The following KREMEN1 variants were observed in gnomAD, a reference collection of about 807,000 sequenced individuals.
The protein encoded by KREMEN1 is kringle containing transmembrane protein 1.
Under a neutral mutation model 46.5 loss-of-function variants are expected in KREMEN1, and 30 were observed. That is an observed-to-expected ratio of 0.65 (90% CI 0.48 to 0.88). KREMEN1 has a LOEUF of 0.88. KREMEN1 is among the 40% of genes least tolerant of loss of function. The pLI is 0.00. For missense variants in KREMEN1, 533 were observed against 596.9 expected (o/e 0.89, Z 1.11); for synonymous variants, 214 against 230.6 (o/e 0.93, Z 0.65).
intron 1 of KREMEN1, among the ~76,000 whole-genome samples, chr22:29,086,521 G>T (rs73390857): frequency 1.3e-3 from 200 of 152,312 alleles, no homozygotes; most frequent in African/African-American, 4.6e-3. Flanking sequence ...GTGGTGTTGG[G>T]TTGGAAAAGG....
intron 9 of KREMEN1, among the ~76,000 whole-genome samples, chr22:29,163,541 T>C (rs768322725): frequency 6.6e-5 from 10 of 152,036 alleles, no homozygotes; most frequent in Non-Finnish European, 1.5e-4. Flanking sequence ...CACGCCCAGC[T>C]AATTTTTGTA....
chr22:29,094,390 AG>A lies in KREMEN1; in HGVS notation c.236del (p.Gly79AlafsTer15), dbSNP rs775709729. The A allele has an allele frequency of 1.5e-5, 24 of 1,613,676 alleles. No homozygotes were observed. In the East Asian group the frequency reaches 4.9e-4, roughly 33 times the overall value. On this transcript the variant is annotated frameshift_variant, in exon 2 of 9. Coordinates refer to ENST00000400335, the MANE Select transcript of KREMEN1 (RefSeq NM_001039570.3). LOFTEE classifies it high-confidence loss of function. ...AACACTCTGAAATACCCCAACGGGG[AG>A]GGGGGCCTGGGTGAGCACAACTATT... ...PYNTLKYPNGEGGLGEHNYCR... is the reference protein window; with the variant it reads ...PYNTLKYPNGXGGLGEHNYCR...
chr22:29,140,591 A>C (rs2038746512), intron 8 of KREMEN1, among the ~76,000 whole-genome samples: 1 of 152,258 alleles, frequency 6.6e-6, no homozygotes, highest in Non-Finnish European at 1.5e-5. Flanking sequence ...CTCTGTGTCC[A>C]AGGCATACAA....
intron 6 of KREMEN1, 45 bp downstream of exon 6, chr22:29,137,719 C>T (rs751828222): frequency 6.9e-7 from 1 of 1,451,426 alleles, no homozygotes; most frequent in Non-Finnish European, 9.4e-7. Flanking sequence ...GGCCCACGTG[C>T]CTTGGGCTTC....
rs866150078 is a variant in KREMEN1 at position 29,094,352 on chromosome 22, C to T, written c.192C>T (p.Phe64=). 1.2e-6 allele frequency: 2 copies of T among 1,613,994 alleles called. No homozygotes were observed. The highest frequency in any genetic ancestry group is 3.3e-4 in the Middle Eastern group (2 of 6,054). Residue 64 remains phenylalanine, a synonymous_variant, in exon 2 of 9, where the codon TTC becomes TTT. Transcript: ENST00000400335. ...GKPCLFWNET[F]QHPYNTLKYP... ...CATGTCTGTTTTGGAACGAGACTTT[C>T]CAGCATCCATACAACACTCTGAAAT...
Position 29,145,939 on chromosome 22 carries a change from T to C in KREMEN1, c.*3827T>C, listed in dbSNP as rs1448873336. The stretch of plus-strand genomic sequence containing the variant: ...CTGTCAGCCCAGGCAGGAGCCTTCC[T>C]GGCCGGGCTCAGGATCTGCCTGCAG... On this transcript the variant is annotated 3_prime_UTR_variant, in exon 9 of 9. Transcript: ENST00000400335. 5 of 985,840 alleles carry C rather than the reference T, an allele frequency of 5.1e-6. No homozygotes were observed. Among genetic ancestry groups the C allele is most frequent in the Non-Finnish European group, 6.0e-6 (5 of 830,048 alleles). 61.1% of individuals were successfully genotyped at this position (985,840 alleles called of 1,614,324 possible).
Position 29,143,602 on chromosome 22 carries a change from T to A in KREMEN1, c.*1490T>A. ...CTAAAAATACAAAAAATTAGCTGGG[T>A]GTGGTGGTGGGCGCCTGTAGTCCCA... On this transcript the variant is annotated 3_prime_UTR_variant, in exon 9 of 9. Transcript: ENST00000400335. The A allele has an allele frequency of 3.1e-6, 2 of 642,404 alleles. No homozygotes were observed. The highest frequency in any genetic ancestry group is 1.4e-4 in the South Asian group (2 of 14,422). The allele number at this position is 642,404 out of a possible 1,614,324, so 39.8% of individuals were successfully genotyped here.
chr22:29,161,304 G>A (rs132307), intron 9 of KREMEN1, among the ~76,000 whole-genome samples: 36,558 of 151,552 alleles, frequency 0.24, 5,025 homozygotes, highest in East Asian at 0.64. Context: ...TCAGGAGATC[G>A]AGACCATCCT....
chr22:29,079,189 C>T (rs1046508799), intron 1 of KREMEN1, among the ~76,000 whole-genome samples: 19 of 152,190 alleles, frequency 1.2e-4, no homozygotes, highest in Non-Finnish European at 2.5e-4. Flanking sequence ...TCCACAGAAA[C>T]GTGACTTCTC....
In KREMEN1 at chr22:29,146,022, C is replaced by T. The variant is rs562096434; in HGVS notation, c.*3910C>T. Reference sequence around the variant, plus strand: ...CCTGGCACTGCACGCTTACTCTTCACAAGCACTTATACGCGGATGGCCTCC... The same window carrying T: ...CCTGGCACTGCACGCTTACTCTTCATAAGCACTTATACGCGGATGGCCTCC... On this transcript the variant is annotated 3_prime_UTR_variant, in exon 9 of 9. Transcript: ENST00000400335. 6.1e-6 allele frequency: 6 copies of T among 985,426 alleles called. No homozygotes were observed. The highest frequency in any genetic ancestry group is 7.2e-6 in the Non-Finnish European group (6 of 829,606). 61.0% of individuals were successfully genotyped at this position (985,426 alleles called of 1,614,324 possible).
intron 3 of KREMEN1, among the ~76,000 whole-genome samples, chr22:29,110,601 C>A (rs28607640): frequency 6.6e-6 from 1 of 152,178 alleles, no homozygotes; most frequent in Non-Finnish European, 1.5e-5. Flanking sequence ...CTACCTCCCC[C>A]TAAGGGCAGA....
intron 9 of KREMEN1, chr22:29,166,981 C>T: frequency 1.6e-6 from 2 of 1,270,724 alleles, no homozygotes; most frequent in African/African-American, 3.0e-5. Flanking sequence ...TCTAACTGTT[C>T]TCTCCCTCCG....
At chr22:29,105,922 A>G (rs1300634800) in intron 3 of KREMEN1, among the ~76,000 whole-genome samples, 1 of 152,214 alleles carries the variant, frequency 6.6e-6, no homozygotes, top group Non-Finnish European at 1.5e-5. Flanking sequence ...TGGACTTGTT[A>G]AAAATAGATT....
intron 8 of KREMEN1, among the ~76,000 whole-genome samples, chr22:29,141,085 C>T (rs2038752661): frequency 6.6e-6 from 1 of 152,214 alleles, no homozygotes; most frequent in Non-Finnish European, 1.5e-5. Flanking sequence ...GACCGTCTCA[C>T]TTGCCCTCTG....
rs549464254 is a variant in KREMEN1, at chr22:29,122,053, T to C, written c.477+572T>C. Among the ~76,000 whole-genome samples, 5 of 152,356 alleles carry C rather than the reference T, an allele frequency of 3.3e-5. No individual in the cohort carries two copies. The South Asian group carries it at 8.3e-4, about 25-fold the overall frequency. ...AGACCACAGACTAGGAGAAAGTAGTTGTTAAATATATATCTGATAAAGGAC... is the reference window on the plus strand; with the variant it reads ...AGACCACAGACTAGGAGAAAGTAGTCGTTAAATATATATCTGATAAAGGAC... On this transcript the variant is annotated intron_variant, in intron 4 of 8. Transcript: ENST00000400335.
intron 3 of KREMEN1, among the ~76,000 whole-genome samples, chr22:29,107,047 G>A (rs1484456926): frequency 1.3e-5 from 2 of 152,132 alleles, no homozygotes; most frequent in Admixed American, 6.5e-5. Context: ...GGTGTCCCCA[G>A]ACCAGCTGTT....
intron 5 of KREMEN1, among the ~76,000 whole-genome samples, chr22:29,131,698 G>GTGTATATATATGTATATA (rs1472950563): frequency 8.6e-5 from 10 of 116,882 alleles, no homozygotes; most frequent in East Asian, 2.2e-4. Flanking sequence ...ATGTATATAT[G>GTGTATATATATGTATATA]TGTATATATA....
intron 5 of KREMEN1, among the ~76,000 whole-genome samples, chr22:29,135,055 C>T (rs1015553357): frequency 1.4e-4 from 22 of 152,200 alleles, no homozygotes; most frequent in Admixed American, 1.2e-3. Context: ...CATTCCCACA[C>T]CCTTCTTCTC....
At chr22:29,091,500 G>A (rs1463594130) in intron 1 of KREMEN1, among the ~76,000 whole-genome samples, 1 of 152,302 alleles carries the variant, frequency 6.6e-6, no homozygotes, top group African/African-American at 2.4e-5. Context: ...ATGTTTTGAT[G>A]TACAAATTCT....
Sources: allele counts gnomAD v4.1 joint callset (sites outside exome capture counted in the v4.1 genomes callset), GRCh38; gene constraint gnomAD v4.1.1; transcripts MANE v1.5; gene names NCBI Gene and HGNC (gene_info 2026-07-23, HGNC 2026-07-21).